Variants in NBEA observed in about 807,000 individuals in gnomAD.
NBEA encodes the protein neurobeachin.
Under a neutral mutation model 343.4 loss-of-function variants are expected in NBEA, and 44 were observed. The observed-to-expected ratio is 0.13, with a 90% confidence interval of 0.10 to 0.16. The LOEUF (loss-of-function observed/expected upper bound fraction) is 0.16, where lower values mean the gene tolerates loss of function less well. Among genes scored for constraint, NBEA ranks in the 10% least tolerant of loss-of-function variants. NBEA has a pLI of 1.00. For synonymous variants in NBEA, 1,175 were observed against 1,238.7 expected, an observed-to-expected ratio of 0.95 and a Z score of 1.08; for missense variants, 2,555 against 3,631.3, an observed-to-expected ratio of 0.70 and a Z score of 7.62.
Position 35,123,591 on chromosome 13 carries a change from C to T in NBEA, c.2336+17C>T, listed in dbSNP as rs1235450940. 1.3e-5 allele frequency: 18 copies of T among 1,387,460 alleles called. 1 individual carries two copies. Among genetic ancestry groups the T allele is most frequent in the South Asian group, 3.3e-5 (2 of 60,202 alleles). The allele number at this position is 1,387,460 out of a possible 1,614,324, so 85.9% of individuals were successfully genotyped here. On this transcript the variant is annotated intron_variant, in intron 17 of 58. Transcript: ENST00000379939. ...AGGTCACAAGTAAGTTGATATTTGT[C>T]ATAATGCATTCTAGAAATAACTATT... is the stretch of plus-strand genomic sequence containing the variant.
chr13:35,118,084 T>G, intron 14 of NBEA, 144 bp from the exon 15 acceptor site: 1 of 493,920 alleles, frequency 2.0e-6, no homozygotes, highest in South Asian at 5.0e-5. Context: ...AGTCTATAAA[T>G]TGTGAAATGT....
intron 1 of NBEA, among the ~76,000 whole-genome samples, chr13:35,001,805 G>C (rs1281469237): frequency 6.6e-6 from 1 of 152,122 alleles, no homozygotes; most frequent in Non-Finnish European, 1.5e-5. Flanking sequence ...AGCTAGAAGA[G>C]AGGATTTTGA....
chr13:35,560,267 A>G (rs557640272), intron 44 of NBEA, among the ~76,000 whole-genome samples: 3 of 152,344 alleles, frequency 2.0e-5, no homozygotes, highest in East Asian at 3.9e-4. Context: ...TCCTGGTACC[A>G]TACAACTTCA....
At chr13:35,652,145 A>G (rs1181619562) in intron 53 of NBEA, among the ~76,000 whole-genome samples, 1 of 152,122 alleles carries the variant, frequency 6.6e-6, no homozygotes, top group South Asian at 2.1e-4. Context: ...CTTTCAGCCT[A>G]AAGTGTTCTC....
At chr13:35,297,288 C>T (rs1165804163) in intron 35 of NBEA, among the ~76,000 whole-genome samples, 1 of 151,924 alleles carries the variant, frequency 6.6e-6, no homozygotes, top group Non-Finnish European at 1.5e-5. Flanking sequence ...CTAATCTCTC[C>T]ATCATTCCCT....
rs189298371 is a variant in NBEA at position 35,143,081 on chromosome 13, T to C, written c.2445+704T>C. ...AAGAGCTAACTGCCAGCATCCATTT[T>C]TGTATGGCTCTAAGTTAAGGAAGCT... On this transcript the variant is annotated intron_variant, in intron 18 of 58. Coordinates refer to ENST00000379939, the MANE Select transcript of NBEA (RefSeq NM_001385012.1). 2.8e-4 allele frequency among the ~76,000 whole-genome samples: 42 copies of C among 152,308 alleles called. 1 individual carries two copies. The Middle Eastern group carries it at 0.01, about 37-fold the overall frequency.
chr13:35,152,153 G>A (rs1013787448), intron 18 of NBEA, among the ~76,000 whole-genome samples: 9 of 152,080 alleles, frequency 5.9e-5, no homozygotes, highest in Non-Finnish European at 1.0e-4. Flanking sequence ...TGAGAGCTTT[G>A]TTCCTTATAG....
intron 1 of NBEA, among the ~76,000 whole-genome samples, chr13:34,979,920 C>G (rs67905814): frequency 0.097 from 14,815 of 152,016 alleles, 999 homozygotes; most frequent in African/African-American, 0.19. Flanking sequence ...TTTCTTTTTT[C>G]ATATTAATAT....
intron 40 of NBEA, among the ~76,000 whole-genome samples, chr13:35,461,031 T>A (rs1201441153): frequency 3.3e-5 from 5 of 152,148 alleles, no homozygotes; most frequent in African/African-American, 1.2e-4. Context: ...ACTCCCATGA[T>A]AACCCATTAA....
At chr13:35,126,893 C>A (rs1411268148) in intron 17 of NBEA, among the ~76,000 whole-genome samples, 1 of 146,516 alleles carries the variant, frequency 6.8e-6, no homozygotes, top group Admixed American at 6.9e-5. Context: ...ATTCCAGAGC[C>A]TGGGAAGCAG....
chr13:35,014,124 T>G (rs967179092), intron 1 of NBEA, among the ~76,000 whole-genome samples: 1 of 149,448 alleles, frequency 6.7e-6, no homozygotes, highest in Non-Finnish European at 1.5e-5. Flanking sequence ...TTACATTCCT[T>G]TCCTGTTATT....
chr13:35,271,631 C>G (rs2034162366), intron 34 of NBEA, among the ~76,000 whole-genome samples: 2 of 152,162 alleles, frequency 1.3e-5, no homozygotes, highest in Admixed American at 1.3e-4. Flanking sequence ...TAATGGCTAA[C>G]TAGAATAACC....
chr13:35,111,973 G>A (rs2066236269), intron 13 of NBEA, among the ~76,000 whole-genome samples: 2 of 141,500 alleles, frequency 1.4e-5, no homozygotes, highest in African/African-American at 5.4e-5. Context: ...CTGGAGTGCA[G>A]TGGTGCTATC....
At chr13:35,156,061 AG>A in intron 19 of NBEA, 21 bp from the exon 20 acceptor site, 1 of 1,560,260 alleles carries the variant, frequency 6.4e-7, no homozygotes, top group South Asian at 1.2e-5. Flanking sequence ...CAAATCTACA[AG>A]TTTTTTTTCT....
intron 38 of NBEA, among the ~76,000 whole-genome samples, chr13:35,388,777 A>C (rs1000376480): frequency 2.6e-5 from 4 of 152,198 alleles, no homozygotes; most frequent in Non-Finnish European, 5.9e-5. Flanking sequence ...ACATCTGGGA[A>C]TACCAAGTAA....
intron 38 of NBEA, among the ~76,000 whole-genome samples, chr13:35,388,163 G>A (rs769484039): frequency 1.3e-5 from 2 of 151,770 alleles, no homozygotes; most frequent in African/African-American, 2.4e-5. Flanking sequence ...TCTTAACATC[G>A]AATATAAATA....
intron 41 of NBEA, among the ~76,000 whole-genome samples, chr13:35,509,174 T>C (rs2077178749): frequency 6.6e-6 from 1 of 152,154 alleles, no homozygotes; most frequent in South Asian, 2.1e-4. Flanking sequence ...ACCTTGTGGT[T>C]CCCCCTTGCA....
At chr13:35,276,868 T>C (rs975455118) in intron 34 of NBEA, among the ~76,000 whole-genome samples, 2 of 152,230 alleles carry the variant, frequency 1.3e-5, no homozygotes, top group Non-Finnish European at 2.9e-5. Context: ...CACGTTTTTT[T>C]AATTGAATTC....
intron 31 of NBEA, among the ~76,000 whole-genome samples, chr13:35,201,349 A>G (rs1199794155): frequency 3.3e-5 from 5 of 152,120 alleles, no homozygotes; most frequent in Admixed American, 2.0e-4. Context: ...TTTCTTAAAC[A>G]TATTTTTTTA....
Sources: allele counts gnomAD v4.1 joint callset (sites outside exome capture counted in the v4.1 genomes callset), GRCh38; gene constraint gnomAD v4.1.1; transcripts MANE v1.5; gene names NCBI Gene and HGNC (gene_info 2026-07-23, HGNC 2026-07-21).